Variants in KCNU1 observed in about 807,000 individuals in gnomAD.
KCNU1 encodes the protein potassium channel subfamily U member 1.
Under a neutral mutation model 126.8 loss-of-function variants are expected in KCNU1, and 93 were observed. That is an observed-to-expected ratio of 0.73 (90% CI 0.62 to 0.87). KCNU1 has a LOEUF of 0.87. KCNU1 is among the 40% of genes least tolerant of loss of function. The pLI is 0.00. For missense variants in KCNU1, 1,330 were observed against 1,367.1 expected (o/e 0.97, Z 0.43); for synonymous variants, 523 against 494.2 (o/e 1.06, Z -0.77).
At chr8:36,855,259 C>G (rs763602202) in intron 18 of KCNU1, among the ~76,000 whole-genome samples, 9 of 152,084 alleles carry the variant, frequency 5.9e-5, no homozygotes, top group South Asian at 2.1e-4. Flanking sequence ...CTTCAGTTTT[C>G]CTTTTATGCT....
In KCNU1 at chr8:36,911,035, G is replaced by A. The variant is rs755665851; in HGVS notation, c.2437G>A (p.Val813Ile). ...CCAGCCATCAAGCAACCAGACTTTG[G>A]TAGACACAGAAGCCATCATGGCAAC... ...PPQPSSNQTL[V>I]DTEAIMATLT... Residue 813 changes from valine to isoleucine, a missense_variant, in exon 22 of 27, where the codon GTA becomes ATA. Physicochemically the swap from Val to Ile is conservative, Grantham distance 29 (BLOSUM62 3). Transcript: ENST00000399881. 3.1e-6 allele frequency: 5 copies of A among 1,613,534 alleles called. No homozygotes were observed. Among genetic ancestry groups the A allele is most frequent in the East Asian group, 2.2e-5 (1 of 44,838 alleles).
chr8:36,870,472 T>C (rs1719395393), intron 19 of KCNU1, among the ~76,000 whole-genome samples: 1 of 152,126 alleles, frequency 6.6e-6, no homozygotes, highest in Non-Finnish European at 1.5e-5. Context: ...GAATTCTGTG[T>C]TCCAAACTAT....
intron 19 of KCNU1, among the ~76,000 whole-genome samples, chr8:36,887,327 T>C (rs1475320751): frequency 6.6e-6 from 1 of 152,208 alleles, no homozygotes; most frequent in Non-Finnish European, 1.5e-5. Flanking sequence ...TAATGGCTAT[T>C]CTGGCTGGAG....
At position 36,932,969 on chromosome 8, in the gene KCNU1, G is replaced by A; in HGVS notation, c.2981G>A (p.Gly994Glu). 6.3e-7 allele frequency: 1 copy of A among 1,577,488 alleles called. No individual in the cohort carries two copies. Among genetic ancestry groups the A allele is most frequent in the South Asian group, 1.2e-5 (1 of 85,978 alleles). ...TTCTGTGGCTCATTAGATCTTTTTGGAATCCTGTGTGTTGGCTTATACCGA... is the reference window on the plus strand; with the variant it reads ...TTCTGTGGCTCATTAGATCTTTTTGAAATCCTGTGTGTTGGCTTATACCGA... Reference protein sequence around the residue: ...QLFCGSLDLFGILCVGLYRII... With the variant: ...QLFCGSLDLFEILCVGLYRII... Residue 994 changes from glycine (G) to glutamate (E), a missense_variant, in exon 26 of 27, where the codon GGA becomes GAA. This residue lies in a region of KCNU1 where 1,054 missense variants were observed against 1,053.9 expected (regional missense o/e 1.00). Coordinates refer to ENST00000399881, the MANE Select transcript of KCNU1 (RefSeq NM_001031836.3).
chr8:36,809,453 T>A lies in KCNU1; in HGVS notation c.732+660T>A, dbSNP rs532880541. Among the ~76,000 whole-genome samples the A allele has an allele frequency of 1.5e-3, 236 of 152,302 alleles. 1 individual carries two copies. The highest frequency in any genetic ancestry group is 2.7e-3 in the Non-Finnish European group (185 of 68,014). On this transcript the variant is annotated intron_variant, in intron 7 of 26. Coordinates refer to ENST00000399881, the MANE Select transcript of KCNU1 (RefSeq NM_001031836.3). ...TAAACAAAACAGAATGCATAACAGG[T>A]CTTTTTTATCTGAGCCCTTCTCTCA...
intron 19 of KCNU1, among the ~76,000 whole-genome samples, chr8:36,893,045 T>A (rs975372616): frequency 6.6e-6 from 1 of 152,162 alleles, no homozygotes; most frequent in African/African-American, 2.4e-5. Context: ...CACTGCAACA[T>A]CTGCCTCCTG....
At chr8:36,797,250 T>C (rs10096479) in intron 2 of KCNU1, among the ~76,000 whole-genome samples, 9,116 of 152,230 alleles carry the variant, frequency 0.06, 947 homozygotes, top group African/African-American at 0.21. Flanking sequence ...ATAATACATG[T>C]AAACCACTCA....
intron 19 of KCNU1, among the ~76,000 whole-genome samples, chr8:36,900,505 G>T (rs1233058816): frequency 6.6e-6 from 1 of 151,966 alleles, no homozygotes; most frequent in South Asian, 2.1e-4. Flanking sequence ...TGTGGGAGGG[G>T]GTATGTGAGT....
At chr8:36,878,372 C>T (rs573847751) in intron 19 of KCNU1, among the ~76,000 whole-genome samples, 5 of 152,172 alleles carry the variant, frequency 3.3e-5, no homozygotes, top group African/African-American at 9.7e-5. Context: ...CACTCTACCA[C>T]GGGTCCATGT....
At chr8:36,854,468 G>T (rs1477412098) in intron 18 of KCNU1, among the ~76,000 whole-genome samples, 4 of 132,840 alleles carry the variant, frequency 3.0e-5, no homozygotes, top group Non-Finnish European at 3.2e-5. Context: ...TGAGTATGCT[G>T]ATTCTTTTTT....
In KCNU1 at chr8:36,815,546, AT is replaced by A. The variant is rs368485545; in HGVS notation, c.904-49del. ...TTTCTAATCTTGAAATTTTTGGAGT[AT>A]CCATCAAAATAATGAGAACTAAGGT... On this transcript the variant is annotated intron_variant, in intron 8 of 26. Coordinates refer to ENST00000399881, the MANE Select transcript of KCNU1 (RefSeq NM_001031836.3). 1.6e-4 allele frequency: 143 copies of A among 902,000 alleles called. No individual in the cohort carries two copies. In the African/African-American group the frequency reaches 2.2e-3, roughly 14 times the overall value. 55.9% of individuals were successfully genotyped at this position (902,000 alleles called of 1,614,324 possible). A position where few individuals can be genotyped will look rare whatever the true frequency, so the allele number is the denominator to read the frequency against.
At chr8:36,826,681 T>C (rs1585422075) in intron 10 of KCNU1, among the ~76,000 whole-genome samples, 1 of 152,298 alleles carries the variant, frequency 6.6e-6, no homozygotes, top group East Asian at 1.9e-4. Flanking sequence ...AGTTATTATA[T>C]TATTCAGTTC....
intron 24 of KCNU1, 26 bp downstream of exon 24, chr8:36,922,655 C>A: frequency 6.2e-7 from 1 of 1,606,286 alleles, no homozygotes; most frequent in Non-Finnish European, 8.5e-7. Flanking sequence ...CCATGGAGCC[C>A]CCAAAACCAA....
intron 1 of KCNU1, among the ~76,000 whole-genome samples, chr8:36,785,114 C>T (rs1278455117): frequency 6.6e-6 from 1 of 152,196 alleles, no homozygotes; most frequent in Non-Finnish European, 1.5e-5. Flanking sequence ...TGCATACATG[C>T]CTGTGCCATC....
intron 7 of KCNU1, among the ~76,000 whole-genome samples, chr8:36,810,859 A>T (rs562445929): frequency 1.3e-5 from 2 of 152,202 alleles, no homozygotes; most frequent in African/African-American, 4.8e-5. Context: ...TTAAGAAAAA[A>T]TGTCCTTTAT....
At chr8:36,879,994 T>G (rs1393070022) in intron 19 of KCNU1, among the ~76,000 whole-genome samples, 2 of 152,192 alleles carry the variant, frequency 1.3e-5, no homozygotes, top group Non-Finnish European at 2.9e-5. Flanking sequence ...TCTGGCAGGA[T>G]GTACTGCAGG....
At chr8:36,819,271 T>C (rs1453886089) in intron 10 of KCNU1, among the ~76,000 whole-genome samples, 1 of 152,118 alleles carries the variant, frequency 6.6e-6, no homozygotes, top group East Asian at 1.9e-4. Context: ...CCCCTCAAGC[T>C]CAACATTCTC....
At chr8:36,909,950 A>G (rs1478267155) in intron 21 of KCNU1, among the ~76,000 whole-genome samples, 1 of 152,112 alleles carries the variant, frequency 6.6e-6, no homozygotes, top group Admixed American at 6.6e-5. Context: ...TAGCTTTTTC[A>G]TCTTTTCTGG....
intron 7 of KCNU1, among the ~76,000 whole-genome samples, chr8:36,810,826 T>C (rs756745424): frequency 2.2e-4 from 34 of 152,168 alleles, no homozygotes; most frequent in Admixed American, 3.3e-4. Context: ...TAAGATAATT[T>C]GCCCAAGGGA....
Sources: allele counts gnomAD v4.1 joint callset (sites outside exome capture counted in the v4.1 genomes callset), GRCh38; gene constraint gnomAD v4.1.1; regional missense constraint gnomAD v4.1.1; transcripts MANE v1.5; gene names NCBI Gene and HGNC (gene_info 2026-07-23, HGNC 2026-07-21).